ZNF44: variants seen among roughly 807,000 people sequenced by gnomAD.
ZNF44 encodes the protein zinc finger protein 44, also known as gonadotropin inducible transcription repressor-2.
Under a neutral mutation model 11.7 loss-of-function variants are expected in ZNF44, and 9 were observed. The observed-to-expected ratio is 0.77, with a 90% CI of 0.46 to 1.35. The LOEUF is 1.35. Among genes scored for constraint, ZNF44 ranks in the 40% most tolerant of loss-of-function variants. ZNF44 has a pLI of 0.00. For missense variants in ZNF44, 696 were observed against 743.1 expected, an observed-to-expected ratio of 0.94 and a Z score of 0.74; for synonymous variants, 224 against 242.7, an observed-to-expected ratio of 0.92 and a Z score of 0.72.
At position 12,276,042 on chromosome 19, in the gene ZNF44, T is replaced by C; in HGVS notation, c.44A>G (p.His15Arg). The part of the protein sequence containing the change: ...AFEDVAVNFT[H>R]EEWALLGPSQ... ...TGGACCCAGCAAAGCCCACTCCTCA[T>C]GGGTGAAGTTCACAGCCACATCCTC... is the stretch of plus-strand genomic sequence containing the variant. Residue 15 changes from histidine to arginine, a missense_variant, in exon 2 of 4, where the codon CAT becomes CGT. By Grantham distance (29) the His-to-Arg change is conservative. Transcript: ENST00000355684. The C allele has an allele frequency of 6.2e-7, 1 of 1,608,762 alleles. No individual in the cohort carries two copies. Among genetic ancestry groups the C allele is most frequent in the Non-Finnish European group, 8.5e-7 (1 of 1,176,344 alleles).
At chr19:12,236,241 G>A (rs1038941187) in intron 1 of ZNF44, among the ~76,000 whole-genome samples, 4 of 152,150 alleles carry the variant, frequency 2.6e-5, no homozygotes, top group Non-Finnish European at 5.9e-5. Context: ...TGAGACCTGC[G>A]TCCCACACTT....
chr19:12,234,695 CT>C (rs1916310507), exon 2 of ZNF44: 1 of 152,196 alleles, frequency 6.6e-6, no homozygotes, highest in South Asian at 2.1e-4. Flanking sequence ...GATGGCTTCC[CT>C]CATCACATCT....
At chr19:12,240,475 C>G (rs1421724534), upstream of ZNF44, among the ~76,000 whole-genome samples, 1 of 143,446 alleles carries the variant, frequency 7.0e-6, no homozygotes, top group Admixed American at 6.9e-5. Context: ...TAGAAAAAAT[C>G]AACCCTAACG....
intron 1 of ZNF44, among the ~76,000 whole-genome samples, chr19:12,282,421 C>CTTTTTTTTT (rs59865823): frequency 7.9e-6 from 1 of 126,238 alleles, no homozygotes; most frequent in African/African-American, 3.1e-5. Context: ...GAGAAGTCTT[C>CTTTTTTTTT]TTTTTTTTTT....
At chr19:12,239,681 C>G (rs1440314432), upstream of ZNF44, among the ~76,000 whole-genome samples, 1 of 147,342 alleles carries the variant, frequency 6.8e-6, no homozygotes, top group Non-Finnish European at 1.5e-5. Flanking sequence ...TCAAGCGATT[C>G]TCCTGCCTCA....
At chr19:12,260,435 C>A in intron 5 of ZNF44, 1 of 1,433,920 alleles carries the variant, frequency 7.0e-7, no homozygotes. Flanking sequence ...AGTACCGCCC[C>A]GACCTGCGCA....
downstream of ZNF44, chr19:12,247,455 G>C: frequency 7.5e-7 from 1 of 1,333,080 alleles, no homozygotes; most frequent in Non-Finnish European, 1.0e-6. Flanking sequence ...TTTCTCTCCA[G>C]TATGAATTCG....
downstream of ZNF44, chr19:12,225,388 C>T (rs928166386): frequency 3.3e-5 from 5 of 152,276 alleles, no homozygotes; most frequent in South Asian, 8.3e-4. Context: ...ATTTTGTTCC[C>T]AAACCAAGAA....
At chr19:12,252,400 C>T (rs1271667726) in intron 5 of ZNF44, among the ~76,000 whole-genome samples, 1 of 152,144 alleles carries the variant, frequency 6.6e-6, no homozygotes, top group Non-Finnish European at 1.5e-5. Context: ...ACCAGTACAC[C>T]TGCTTTGCAA....
chr19:12,236,298 T>C (rs1568420909), intron 1 of ZNF44, among the ~76,000 whole-genome samples: 1 of 152,142 alleles, frequency 6.6e-6, no homozygotes, highest in Non-Finnish European at 1.5e-5. Flanking sequence ...TCGGTACCCC[T>C]GGGGAGTGTT....
chr19:12,293,664 T>C (rs1263722241), intron 1 of ZNF44, among the ~76,000 whole-genome samples: 1 of 151,820 alleles, frequency 6.6e-6, no homozygotes, highest in African/African-American at 2.4e-5. Flanking sequence ...AATTGAGGAG[T>C]GAAGTTAGCA....
Position 12,276,265 on chromosome 19 carries a change from G to A in ZNF44, c.4-183C>T, listed in dbSNP as rs1441636390. The A allele has an allele frequency of 6.3e-6, 6 of 946,266 alleles. No homozygotes were observed. In the Admixed American group the frequency reaches 1.3e-4, roughly 20 times the overall value. 58.6% of individuals were successfully genotyped at this position (946,266 alleles called of 1,614,324 possible). A position where few individuals can be genotyped will look rare whatever the true frequency, so the allele number is the denominator to read the frequency against. ...ATGCTGGAATTCTGATGCTGGAATT[G>A]GGCTTGCTAAAATAACAGTTGAGTA... On this transcript the variant is annotated intron_variant, in intron 1 of 3. Coordinates refer to ENST00000355684, the MANE Select transcript of ZNF44 (RefSeq NM_016264.4).
intron 1 of ZNF44, among the ~76,000 whole-genome samples, chr19:12,288,805 T>TATATATATA (rs1967879450): frequency 1.2e-4 from 13 of 104,382 alleles, no homozygotes; most frequent in East Asian, 2.9e-4. Flanking sequence ...TATATATATA[T>TATATATATA]GAAATCACCT....
intron 2 of ZNF44, 89 bp from the exon 3 acceptor site, chr19:12,275,122 G>T: frequency 1.1e-6 from 1 of 934,718 alleles, no homozygotes. Context: ...AATCATGTAT[G>T]ATTCATTCAT....
upstream of ZNF44, among the ~76,000 whole-genome samples, chr19:12,241,642 C>A (rs1395272166): frequency 6.6e-6 from 1 of 152,134 alleles, no homozygotes; most frequent in Non-Finnish European, 1.5e-5. Context: ...TTTCAGTGAG[C>A]CAAGATCGCA....
At chr19:12,247,335 T>A (rs945429420), downstream of ZNF44, 15 of 1,288,122 alleles carry the variant, frequency 1.2e-5, no homozygotes, top group Admixed American at 3.5e-4. Flanking sequence ...AATGAAGGCG[T>A]TGCCACAATC....
downstream of ZNF44, among the ~76,000 whole-genome samples, chr19:12,266,902 G>T (rs1568437533): frequency 6.6e-6 from 1 of 152,172 alleles, no homozygotes; most frequent in Non-Finnish European, 1.5e-5. Context: ...AGCAGGAGGG[G>T]TGCCTAGACC....
At position 12,273,657 on chromosome 19, in the gene ZNF44, C is replaced by T. The variant is rs1294917902; in HGVS notation, c.598G>A (p.Glu200Lys). 4 of 1,614,164 alleles carry T rather than the reference C, an allele frequency of 2.5e-6. No individual in the cohort carries two copies. Among genetic ancestry groups the T allele is most frequent in the Non-Finnish European group, 3.4e-6 (4 of 1,180,030 alleles). The stretch of plus-strand genomic sequence containing the variant: ...CAAAAAAAGGCTTTCCCACACAATT[C>T]ACATTTATAAGGTCCATCTCCACCT... The part of the protein sequence containing the change: ...VKGGDGPYKC[E>K]LCGKAFFWPS... Residue 200 changes from glutamate (E) to lysine (K), a missense_variant, in exon 4 of 4, where the codon GAA (glutamate) becomes AAA (lysine). By Grantham distance (56) the Glu-to-Lys change is moderately conservative (BLOSUM62 1). Coordinates refer to ENST00000355684, the MANE Select transcript of ZNF44 (RefSeq NM_016264.4).
intron 2 of ZNF44, among the ~76,000 whole-genome samples, chr19:12,231,519 A>C (rs529710072): frequency 6.6e-6 from 1 of 152,212 alleles, no homozygotes; most frequent in African/African-American, 2.4e-5. Context: ...CTAAGAATTA[A>C]CTTCAATTGC....
Sources: gnomAD v4.1 joint callset for allele counts (sites outside exome capture counted in the v4.1 genomes callset) on GRCh38, gnomAD v4.1.1 for gene constraint, MANE v1.5 for transcripts, NCBI Gene and HGNC (gene_info 2026-07-23, HGNC 2026-07-21) for gene names.